Variants in DDX46 observed in about 807,000 individuals in gnomAD.
DDX46 encodes the protein DEAD-box helicase 46, also known as probable ATP-dependent RNA helicase DDX46.
A neutral mutation model predicts 134.9 loss-of-function variants in DDX46; 30 were observed. The ratio of observed to expected loss-of-function variants is 0.22; its 90% CI spans 0.17 to 0.30. DDX46 has a LOEUF of 0.30. Ranked by LOEUF, DDX46 falls within the 10% of genes least tolerant of loss-of-function variation. The pLI is 1.00. For missense variants in DDX46, 622 were observed against 1,248.7 expected, an observed-to-expected ratio of 0.50 and a Z score of 7.56; for synonymous variants, 415 against 404.1, an observed-to-expected ratio of 1.03 and a Z score of -0.32.
intron 22 of DDX46, among the ~76,000 whole-genome samples, chr5:134,827,235 T>TC (rs1029873979): frequency 1.3e-5 from 2 of 151,592 alleles, no homozygotes; most frequent in Non-Finnish European, 2.9e-5. Flanking sequence ...ACTATTCATC[T>TC]CCCCCCAACA....
intron 22 of DDX46, 113 bp downstream of exon 22, chr5:134,827,133 A>G: frequency 9.5e-7 from 1 of 1,053,728 alleles, no homozygotes. Context: ...ATTTTCACAA[A>G]GTAATAAGCA....
At chr5:134,788,121 G>A (rs1253846442) in intron 11 of DDX46, among the ~76,000 whole-genome samples, 1 of 151,788 alleles carries the variant, frequency 6.6e-6, no homozygotes, top group Non-Finnish European at 1.5e-5. Flanking sequence ...TAGTCTATGT[G>A]GTCACTTAGA....
At chr5:134,768,349 A>G (rs918582794) in intron 3 of DDX46, among the ~76,000 whole-genome samples, 1 of 151,528 alleles carries the variant, frequency 6.6e-6, no homozygotes, top group African/African-American at 2.4e-5. Context: ...TGATCTCGTG[A>G]TCCACCCGCC....
intron 21 of DDX46, among the ~76,000 whole-genome samples, chr5:134,821,334 G>A (rs1450625277): frequency 1.3e-5 from 2 of 151,710 alleles, no homozygotes; most frequent in African/African-American, 2.4e-5. Context: ...GAGCCACTGC[G>A]CCCGGCCAAT....
intron 13 of DDX46, among the ~76,000 whole-genome samples, chr5:134,790,895 A>G (rs1441026971): frequency 6.6e-6 from 1 of 151,740 alleles, no homozygotes; most frequent in Admixed American, 6.6e-5. Flanking sequence ...AACGATCACT[A>G]CTCACTGCAA....
At position 134,777,721 on chromosome 5, in the gene DDX46, A is replaced by G. The variant is rs765810321; in HGVS notation, c.761A>G (p.Glu254Gly). 10 of 1,602,036 alleles carry G rather than the reference A, an allele frequency of 6.2e-6. No homozygotes were observed. The South Asian group carries it at 9.0e-5, about 14-fold the overall frequency. ...AGTGTAAAAGGTGGTGGGGGAAATG[A>G]AAAGGTATGGAATTTCTTATTTTTA... ...MRSVKGGGGN[E>G]KKSGPTVTKV... The change falls in exon 6 of 23, where the codon GAA becomes GGA. Residue 254 changes from glutamate to glycine, a missense_variant. Glu to Gly is a moderately conservative substitution (Grantham distance 98, BLOSUM62 -2). Transcript: ENST00000452510.
At chr5:134,789,744 GC>G (rs776583028) in intron 12 of DDX46, among the ~76,000 whole-genome samples, 9 of 152,138 alleles carry the variant, frequency 5.9e-5, no homozygotes, top group African/African-American at 9.6e-5. Flanking sequence ...TGATAGCAAT[GC>G]TTCTGTTAAT....
chr5:134,806,213 A>T (rs1489888415), intron 15 of DDX46, among the ~76,000 whole-genome samples: 1 of 96,962 alleles, frequency 1.0e-5, no homozygotes, highest in Admixed American at 9.0e-5. Context: ...CTCCGTCTTT[A>T]AAAAAAAAAA....
intron 17 of DDX46, 99 bp from the exon 18 acceptor site, chr5:134,811,597 A>T: frequency 7.6e-7 from 1 of 1,323,228 alleles, no homozygotes; most frequent in Non-Finnish European, 1.0e-6. Context: ...TGTTTTTATT[A>T]CATTGACATA....
intron 5 of DDX46, among the ~76,000 whole-genome samples, chr5:134,774,342 GT>G (rs369831526): frequency 2.1e-3 from 326 of 151,860 alleles, no homozygotes; most frequent in African/African-American, 7.4e-3. Flanking sequence ...GCCAAGTTTT[GT>G]TTGTTCATTC....
At chr5:134,813,018 T>G (rs1018084979) in intron 18 of DDX46, among the ~76,000 whole-genome samples, 4 of 152,080 alleles carry the variant, frequency 2.6e-5, no homozygotes, top group Non-Finnish European at 5.9e-5. Flanking sequence ...CTTGGCTCAC[T>G]GCAACCTCTG....
intron 14 of DDX46, 80 bp downstream of exon 14, chr5:134,795,094 G>T: frequency 6.6e-7 from 1 of 1,524,752 alleles, no homozygotes; most frequent in Non-Finnish European, 8.9e-7. Context: ...CACTGTTTGT[G>T]AGGTAGGCAA....
rs369977056 is a variant in DDX46 at position 134,763,897 on chromosome 5, G to A, written c.18-7G>A. The stretch of plus-strand genomic sequence containing the variant: ...TGCTGAACTTAATCTTTGACTTATT[G>A]TTCTAGCCACTATCGAAAACGATCG... On this transcript the variant is annotated splice_polypyrimidine_tract_variant and splice_region_variant and intron_variant, in intron 1 of 22. Transcript: ENST00000452510. 531 of 1,612,886 alleles carry A rather than the reference G, an allele frequency of 3.3e-4. 3 individuals carry two copies. The highest frequency in any genetic ancestry group is 2.4e-4 in the Non-Finnish European group (284 of 1,179,430).
intron 21 of DDX46, among the ~76,000 whole-genome samples, chr5:134,825,165 C>A (rs1755556943): frequency 2.0e-5 from 3 of 152,106 alleles, no homozygotes; most frequent in Admixed American, 1.3e-4. Flanking sequence ...TGTCATTTTC[C>A]TTCTTTTTAA....
intron 9 of DDX46, among the ~76,000 whole-genome samples, chr5:134,783,339 G>A (rs917122278): frequency 1.3e-5 from 2 of 150,006 alleles, no homozygotes; most frequent in African/African-American, 2.5e-5. Flanking sequence ...CTGTGACCTC[G>A]GCCTCCCGGG....
At chr5:134,785,642 A>C in intron 11 of DDX46, 56 bp downstream of exon 11, 5 of 1,547,754 alleles carry the variant, frequency 3.2e-6, no homozygotes, top group Non-Finnish European at 4.4e-6. Flanking sequence ...TGGATGATTC[A>C]ATAAAGTAAA....
intron 15 of DDX46, among the ~76,000 whole-genome samples, chr5:134,802,966 A>G (rs183955885): frequency 5.9e-5 from 9 of 152,226 alleles, no homozygotes; most frequent in Admixed American, 5.9e-4. Context: ...TCTGCCTTTA[A>G]TGGGCAGCAT....
At chr5:134,785,177 A>C (rs932083352) in intron 10 of DDX46, among the ~76,000 whole-genome samples, 1 of 152,180 alleles carries the variant, frequency 6.6e-6, no homozygotes, top group African/African-American at 2.4e-5. Flanking sequence ...TGTGATTTGC[A>C]TTAGAAAACT....
intron 1 of DDX46, 109 bp downstream of exon 1, chr5:134,759,064 G>T: frequency 6.6e-7 from 1 of 1,512,092 alleles, no homozygotes; most frequent in South Asian, 1.2e-5. Context: ...CCCCACGTGC[G>T]GTCAGCGCTG....
Sources: gnomAD v4.1 joint callset for allele counts (sites outside exome capture counted in the v4.1 genomes callset) on GRCh38, gnomAD v4.1.1 for gene constraint, MANE v1.5 for transcripts, NCBI Gene and HGNC (gene_info 2026-07-23, HGNC 2026-07-21) for gene names.